The following GPC5 variants were observed in gnomAD, a reference collection of about 807,000 sequenced individuals.
The protein encoded by GPC5 is glypican-5.
A neutral mutation model predicts 53.9 loss-of-function variants in GPC5; 47 were observed. The observed-to-expected ratio is 0.87, with a 90% CI of 0.69 to 1.11. GPC5 has a LOEUF of 1.11. Ranked by LOEUF, GPC5 falls within the 50% of genes most tolerant of loss-of-function variation. GPC5 has a pLI of 0.00. For synonymous variants in GPC5, 286 were observed against 263.3 expected (o/e 1.09, Z -0.84); for missense variants, 748 against 713.1 (o/e 1.05, Z -0.56).
At chr13:91,690,363 AACT>A (rs1204507045) in intron 2 of GPC5, among the ~76,000 whole-genome samples, 5 of 152,130 alleles carry the variant, frequency 3.3e-5, no homozygotes, top group African/African-American at 1.2e-4. Context: ...ATCAGAGAAA[AACT>A]ACTCTAAAAT....
intron 6 of GPC5, among the ~76,000 whole-genome samples, chr13:92,038,482 T>A (rs1392484779): frequency 1.3e-5 from 2 of 151,094 alleles, no homozygotes; most frequent in Admixed American, 1.3e-4. Flanking sequence ...TAAACTCCAG[T>A]CTTATACACC....
chr13:92,274,424 C>A (rs2042861129), intron 7 of GPC5, among the ~76,000 whole-genome samples: 1 of 152,232 alleles, frequency 6.6e-6, no homozygotes, highest in South Asian at 2.1e-4. Context: ...ATGAGGCATG[C>A]AAACATACCA....
rs146355640 is a variant in GPC5 at position 92,120,345 on chromosome 13, G to A, written c.1402-24485G>A. 1.3e-3 allele frequency among the ~76,000 whole-genome samples: 192 copies of A among 152,090 alleles called. 1 individual carries two copies. Among genetic ancestry groups the A allele is most frequent in the Non-Finnish European group, 2.1e-3 (145 of 67,990 alleles). ...TGGCATGATCAATCACTGTAGCCTCGATCTTCAGCTCAAGTAATCCTCCTG... is the reference window on the plus strand; with the variant it reads ...TGGCATGATCAATCACTGTAGCCTCAATCTTCAGCTCAAGTAATCCTCCTG... On this transcript the variant is annotated intron_variant, in intron 6 of 7. Coordinates refer to ENST00000377067, the MANE Select transcript of GPC5 (RefSeq NM_004466.6).
chr13:92,370,714 T>C (rs1254718879), intron 7 of GPC5, among the ~76,000 whole-genome samples: 8 of 152,210 alleles, frequency 5.3e-5, no homozygotes, highest in Non-Finnish European at 1.5e-5. Flanking sequence ...GTACATTGAA[T>C]GTATCATGAC....
intron 6 of GPC5, among the ~76,000 whole-genome samples, chr13:91,999,286 T>G (rs2040533309): frequency 6.6e-6 from 1 of 152,282 alleles, no homozygotes; most frequent in Non-Finnish European, 1.5e-5. Context: ...CCATATTGCC[T>G]AATTTCACAT....
chr13:92,577,457 A>T (rs575531983), intron 7 of GPC5, among the ~76,000 whole-genome samples: 2 of 99,606 alleles, frequency 2.0e-5, no homozygotes, highest in Non-Finnish European at 4.8e-5. Context: ...TGTGTCAATG[A>T]CCTTGAAAGT....
At chr13:91,953,946 A>G (rs759928599) in intron 6 of GPC5, among the ~76,000 whole-genome samples, 4 of 152,258 alleles carry the variant, frequency 2.6e-5, no homozygotes, top group Non-Finnish European at 5.9e-5. Context: ...ACATTTGGAC[A>G]ATGGCAAAGA....
intron 1 of GPC5, among the ~76,000 whole-genome samples, chr13:91,445,314 T>C (rs964070017): frequency 9.9e-5 from 15 of 152,132 alleles, no homozygotes; most frequent in African/African-American, 3.4e-4. Context: ...TCCTCTTGAC[T>C]ACCAGGAGGG....
intron 7 of GPC5, among the ~76,000 whole-genome samples, chr13:92,376,918 A>G (rs2043699223): frequency 6.6e-6 from 1 of 152,030 alleles, no homozygotes; most frequent in Non-Finnish European, 1.5e-5. Flanking sequence ...TGGGAGGCTG[A>G]GGCAGGAGAG....
intron 7 of GPC5, among the ~76,000 whole-genome samples, chr13:92,786,718 A>T (rs994630410): frequency 7.2e-5 from 11 of 152,184 alleles, no homozygotes; most frequent in African/African-American, 2.2e-4. Context: ...TTCAAGGACA[A>T]AGTAATACTC....
At chr13:91,606,799 A>G (rs1424195365) in intron 2 of GPC5, among the ~76,000 whole-genome samples, 4 of 151,900 alleles carry the variant, frequency 2.6e-5, no homozygotes, top group Non-Finnish European at 5.9e-5. Flanking sequence ...ATCGGTGGTG[A>G]TATCCCCTTT....
intron 7 of GPC5, among the ~76,000 whole-genome samples, chr13:92,472,436 T>C (rs1283950704): frequency 2.0e-5 from 3 of 152,102 alleles, no homozygotes; most frequent in Non-Finnish European, 2.9e-5. Context: ...TCACGTGCAA[T>C]GTTTCAATAA....
At chr13:92,336,360 C>T (rs1354388376) in intron 7 of GPC5, among the ~76,000 whole-genome samples, 1 of 151,978 alleles carries the variant, frequency 6.6e-6, no homozygotes. Context: ...ATTTATGATG[C>T]TAAATGAACA....
At chr13:91,402,983 C>T (rs1361022001) in intron 1 of GPC5, among the ~76,000 whole-genome samples, 4 of 152,236 alleles carry the variant, frequency 2.6e-5, no homozygotes, top group African/African-American at 7.2e-5. Context: ...GCCACACCAC[C>T]GTTCTTCTGT....
At chr13:92,563,888 A>T (rs1047685752) in intron 7 of GPC5, among the ~76,000 whole-genome samples, 1 of 152,006 alleles carries the variant, frequency 6.6e-6, no homozygotes, top group Non-Finnish European at 1.5e-5. Context: ...TCACTTGTGG[A>T]TCTAGAAATT....
At chr13:92,438,979 A>T (rs1348710128) in intron 7 of GPC5, among the ~76,000 whole-genome samples, 2 of 152,126 alleles carry the variant, frequency 1.3e-5, no homozygotes, top group African/African-American at 4.8e-5. Context: ...GATGTTTATT[A>T]TACAGTTGGA....
At chr13:91,426,843 C>G (rs1158354534) in intron 1 of GPC5, among the ~76,000 whole-genome samples, 1 of 152,188 alleles carries the variant, frequency 6.6e-6, no homozygotes, top group Non-Finnish European at 1.5e-5. Context: ...AGTACCCACA[C>G]AGACACCTCC....
At chr13:91,443,734 G>T (rs1383172332) in intron 1 of GPC5, among the ~76,000 whole-genome samples, 1 of 152,112 alleles carries the variant, frequency 6.6e-6, no homozygotes, top group African/African-American at 2.4e-5. Context: ...CGTTGTTTTG[G>T]GGTCTTTTCA....
chr13:91,404,947 T>C (rs1877209142), intron 1 of GPC5, among the ~76,000 whole-genome samples: 1 of 152,248 alleles, frequency 6.6e-6, no homozygotes, highest in African/African-American at 2.4e-5. Context: ...CTTTTCCAAT[T>C]ATGAATGTAT....
Sources: gnomAD v4.1 joint callset for allele counts (sites outside exome capture counted in the v4.1 genomes callset) on GRCh38, gnomAD v4.1.1 for gene constraint, MANE v1.5 for transcripts, NCBI Gene and HGNC (gene_info 2026-07-23, HGNC 2026-07-21) for gene names.